The following INPP4B variants were observed in gnomAD, a reference collection of about 807,000 sequenced individuals.
The protein encoded by INPP4B is inositol polyphosphate 4-phosphatase type II.
In INPP4B, 55 loss-of-function variants were observed where a neutral mutation model predicts 122.5. That is an observed-to-expected ratio of 0.45 (90% CI 0.36 to 0.56). The LOEUF (loss-of-function observed/expected upper bound fraction) is 0.56, where lower values mean the gene tolerates loss of function less well. Among genes scored for constraint, INPP4B ranks in the 20% least tolerant of loss-of-function variants. The probability of loss-of-function intolerance (pLI) is 0.00; values close to 1 mark genes in which losing one functional copy is unlikely to be tolerated. For missense variants in INPP4B, 1,000 were observed against 1,097.7 expected, an observed-to-expected ratio of 0.91 and a Z score of 1.26; for synonymous variants, 403 against 388.7, an observed-to-expected ratio of 1.04 and a Z score of -0.43.
intron 2 of INPP4B, among the ~76,000 whole-genome samples, chr4:142,586,313 C>CA (rs5862595): frequency 0.65 from 98,793 of 151,542 alleles, 33,937 homozygotes; most frequent in East Asian, 0.81. Context: ...GACCCTGTCT[C>CA]AAAAAAACAA....
chr4:142,121,952 G>GT (rs2152748725), intron 21 of INPP4B, among the ~76,000 whole-genome samples, 176 bp downstream of exon 21: 1 of 152,110 alleles, frequency 6.6e-6, no homozygotes, highest in Non-Finnish European at 1.5e-5. Flanking sequence ...ACTTCCAGGA[G>GT]TTTTTTGAGA....
At chr4:142,599,087 G>A (rs1559710) in intron 2 of INPP4B, among the ~76,000 whole-genome samples, 152,291 of 152,292 alleles carry the variant, frequency 1, 76,145 homozygotes, top group Non-Finnish European at 1. Flanking sequence ...CACAGCCACT[G>A]CCAATACCAG....
intron 7 of INPP4B, among the ~76,000 whole-genome samples, chr4:142,351,682 T>C (rs963270342): frequency 3.3e-5 from 5 of 152,134 alleles, no homozygotes; most frequent in East Asian, 1.9e-4. Context: ...TCAAGAAACG[T>C]AGAAAATAAA....
chr4:142,379,842 T>A (rs988307187), intron 7 of INPP4B, among the ~76,000 whole-genome samples: 3 of 152,154 alleles, frequency 2.0e-5, no homozygotes, highest in African/African-American at 4.8e-5. Context: ...ATCACAACCA[T>A]CAGATTGAGG....
chr4:142,637,816 G>A (rs979627623), intron 2 of INPP4B, among the ~76,000 whole-genome samples: 1 of 152,160 alleles, frequency 6.6e-6, no homozygotes, highest in African/African-American at 2.4e-5. Flanking sequence ...ATTCCTAACA[G>A]CAACAAATGA....
At chr4:142,406,428 A>G (rs1803382529) in intron 5 of INPP4B, among the ~76,000 whole-genome samples, 1 of 152,228 alleles carries the variant, frequency 6.6e-6, no homozygotes, top group African/African-American at 2.4e-5. Flanking sequence ...CAAAGGTAAT[A>G]TGGCTTAAAT....
At chr4:142,606,045 A>G (rs1232390599) in intron 2 of INPP4B, among the ~76,000 whole-genome samples, 3 of 152,038 alleles carry the variant, frequency 2.0e-5, no homozygotes, top group African/African-American at 7.2e-5. Flanking sequence ...TACATATGCA[A>G]TAGAATACTA....
intron 2 of INPP4B, among the ~76,000 whole-genome samples, chr4:142,657,003 G>C (rs1754282356): frequency 6.6e-6 from 1 of 152,134 alleles, no homozygotes; most frequent in South Asian, 2.1e-4. Flanking sequence ...GTAGCCACTT[G>C]GCAAGGCTTT....
At chr4:142,643,275 T>C (rs555509651) in intron 2 of INPP4B, among the ~76,000 whole-genome samples, 22 of 152,128 alleles carry the variant, frequency 1.4e-4, no homozygotes, top group African/African-American at 5.3e-4. Context: ...GTAAAAACTG[T>C]GGAAAAAAAC....
chr4:142,510,368 A>G (rs1824554742), intron 2 of INPP4B, among the ~76,000 whole-genome samples: 1 of 152,240 alleles, frequency 6.6e-6, no homozygotes, highest in Non-Finnish European at 1.5e-5. Flanking sequence ...AGCTGGCAAG[A>G]AAACTTTAGC....
intron 2 of INPP4B, among the ~76,000 whole-genome samples, chr4:142,497,271 C>T (rs1822709825): frequency 6.6e-6 from 1 of 152,102 alleles, no homozygotes; most frequent in South Asian, 2.1e-4. Flanking sequence ...GCTCTCCTAG[C>T]CTCACGAAAA....
At chr4:142,333,148 C>G (rs190985889) in intron 7 of INPP4B, among the ~76,000 whole-genome samples, 31 of 152,166 alleles carry the variant, frequency 2.0e-4, no homozygotes, top group Admixed American at 2.0e-3. Context: ...TGAGCAGGGG[C>G]CACGTGAGTC....
chr4:142,071,196 T>C (rs983468321), intron 25 of INPP4B, among the ~76,000 whole-genome samples: 1 of 152,110 alleles, frequency 6.6e-6, no homozygotes, highest in Non-Finnish European at 1.5e-5. Flanking sequence ...TCTACAACCA[T>C]TTGATCTTTG....
chr4:142,124,785 G>A lies in INPP4B; in HGVS notation c.1721-25C>T, dbSNP rs552977681. On this transcript the variant is annotated intron_variant, in intron 18 of 25. Coordinates refer to ENST00000262992, the MANE Select transcript of INPP4B (RefSeq NM_001101669.3). ...TCTGGGGGAAGGGGGTGTAAGAACA[G>A]TGCAATAGATGAAGGAAGGTCTTGG... The A allele has an allele frequency of 7.6e-6, 11 of 1,454,450 alleles. No individual in the cohort carries two copies. In the South Asian group the frequency reaches 1.0e-4, roughly 14 times the overall value. 90.1% of individuals were successfully genotyped at this position (1,454,450 alleles called of 1,614,324 possible). A position where few individuals can be genotyped will look rare whatever the true frequency, so the allele number is the denominator to read the frequency against.
intron 2 of INPP4B, among the ~76,000 whole-genome samples, chr4:142,569,509 TA>T (rs1213840690): frequency 6.6e-6 from 1 of 152,068 alleles, no homozygotes; most frequent in Non-Finnish European, 1.5e-5. Context: ...ATGACTACTT[TA>T]CAGAAGGGAG....
chr4:142,130,453 A>G (rs1490740171), intron 18 of INPP4B, among the ~76,000 whole-genome samples: 1 of 152,068 alleles, frequency 6.6e-6, no homozygotes, highest in Non-Finnish European at 1.5e-5. Flanking sequence ...CATGGTAGGG[A>G]TAGGGAATGG....
At chr4:142,070,245 A>T (rs991853804) in intron 25 of INPP4B, among the ~76,000 whole-genome samples, 1 of 152,206 alleles carries the variant, frequency 6.6e-6, no homozygotes, top group Admixed American at 6.5e-5. Context: ...CCACATGATA[A>T]TCTCAATAGA....
At chr4:142,474,132 A>G (rs1486395914) in intron 2 of INPP4B, 1 of 152,192 alleles carries the variant, frequency 6.6e-6, no homozygotes, top group Non-Finnish European at 1.5e-5. Flanking sequence ...CTGAACTGTC[A>G]GTGGACACAG....
At chr4:142,259,380 A>G (rs1043163194) in intron 11 of INPP4B, among the ~76,000 whole-genome samples, 2 of 146,974 alleles carry the variant, frequency 1.4e-5, no homozygotes, top group African/African-American at 2.6e-5. Context: ...AAAAAAAAGA[A>G]AAAAAAAAGA....
Sources: allele counts gnomAD v4.1 joint callset (sites outside exome capture counted in the v4.1 genomes callset), GRCh38; gene constraint gnomAD v4.1.1; transcripts MANE v1.5; gene names NCBI Gene and HGNC (gene_info 2026-07-23, HGNC 2026-07-21).